The following FAM83H variants were observed in gnomAD, a reference collection of about 807,000 sequenced individuals.
FAM83H encodes protein FAM83H.
FAM83H carries 24 observed loss-of-function variants against 30.2 expected under a neutral mutation model. The observed-to-expected ratio is 0.79, with a 90% CI of 0.57 to 1.12. FAM83H has a LOEUF of 1.12. Among genes scored for constraint, FAM83H ranks in the 50% most tolerant of loss-of-function variants. The pLI, the probability that FAM83H is intolerant of heterozygous loss-of-function variation, is 0.00. For synonymous variants in FAM83H, 1,013 were observed against 821.7 expected, an observed-to-expected ratio of 1.23 and a Z score of -3.98; for missense variants, 2,038 against 1,773.9, an observed-to-expected ratio of 1.15 and a Z score of -2.67.
At position 143,727,395 on chromosome 8, in the gene FAM83H, C is replaced by T; in HGVS notation, c.2066G>A (p.Ser689Asn). 1.5e-5 allele frequency: 24 copies of T among 1,573,942 alleles called. No homozygotes were observed. Among genetic ancestry groups the T allele is most frequent in the Non-Finnish European group, 2.0e-5 (23 of 1,168,200 alleles). ...SSRLRSSLIF[S>N]TSQAEGAAGA... is the part of the protein sequence containing the mutation. ...GGCCGCGCCCTCGGCCTGTGACGTG[C>T]TGAAGATGAGCGAGGAGCGCAGCCT... The change falls in exon 5 of 5, where the codon AGC becomes AAC. Residue 689 changes from serine (S) to asparagine (N), a missense_variant. Coordinates refer to ENST00000388913, the MANE Select transcript of FAM83H (RefSeq NM_198488.5).
rs431825179 is a variant in FAM83H, at chr8:143,727,211, G to A, written c.2250C>T (p.Gly750=). 6.5e-7 allele frequency: 1 copy of A among 1,533,406 alleles called. No homozygotes were observed. The highest frequency in any genetic ancestry group is 8.7e-7 in the Non-Finnish European group (1 of 1,145,420). The allele number at this position is 1,533,406 out of a possible 1,614,324, so 95.0% of individuals were successfully genotyped here. Residue 750 remains glycine, a synonymous_variant, in exon 5 of 5, where the codon GGC becomes GGT. Coordinates refer to ENST00000388913, the MANE Select transcript of FAM83H (RefSeq NM_198488.5). ...KYKGPARDPG[G]GAGAITVASH... ...TGGCAACGGTGATGGCGCCCGCGCC[G>A]CCGCCGGGATCACGGGCTGGGCCCT...
At chr8:143,729,655 T>A (rs1818442134) in intron 2 of FAM83H, among the ~76,000 whole-genome samples, 1 of 152,206 alleles carries the variant, frequency 6.6e-6, no homozygotes, top group African/African-American at 2.4e-5. Context: ...CCAGGGCAGC[T>A]GTCAGGGCCA....
At position 143,730,442 on chromosome 8, in the gene FAM83H, G is replaced by T. The variant is rs201606392; in HGVS notation, c.141C>A (p.Leu47=). 1.2e-6 allele frequency: 2 copies of T among 1,612,200 alleles called. No individual in the cohort carries two copies. Among genetic ancestry groups the T allele is most frequent in the Non-Finnish European group, 1.7e-6 (2 of 1,179,984 alleles). The change falls in exon 2 of 5, where the codon CTC becomes CTA. Residue 47 remains leucine, a synonymous_variant. Coordinates refer to ENST00000388913, the MANE Select transcript of FAM83H (RefSeq NM_198488.5). ...EGGSEAYSRF[L]ATEGAPDFLC... is the part of the protein sequence containing the mutation. ...GGAAGTCTGGTGCCCCCTCGGTAGC[G>T]AGGAAGCGGCTGTAGGCCTCCGAGC...
chr8:143,725,966 G>A lies in FAM83H; in HGVS notation c.3495C>T (p.Gly1165=), dbSNP rs949310232. Residue 1165 remains glycine, a synonymous_variant, in exon 5 of 5, where the codon GGC becomes GGT. Coordinates refer to ENST00000388913, the MANE Select transcript of FAM83H (RefSeq NM_198488.5). The stretch of plus-strand genomic sequence containing the variant: ...TGCCCAGGATCTTGGGCACGAACTT[G>A]CCCACCTTGCTGTCCCTGGTGCCCT... The part of the protein sequence containing the change: ...AEEGTRDSKV[G]KFVPKILGTF... 2 of 1,613,018 alleles carry A rather than the reference G, an allele frequency of 1.2e-6. No homozygotes were observed. The highest frequency in any genetic ancestry group is 1.7e-6 in the Non-Finnish European group (2 of 1,179,934).
rs1224490539 is a variant in FAM83H, at chr8:143,728,415, T to A, written c.1046A>T (p.His349Leu). 1.9e-6 allele frequency: 3 copies of A among 1,547,942 alleles called. No individual in the cohort carries two copies. The highest frequency in any genetic ancestry group is 1.4e-5 in the African/African-American group (1 of 72,972). ...CTCCCGGCGGAAGGCCGACAGGAAG[T>A]GGCGGTCCGGGTCGAGGAAGGAGGG... Reference protein sequence around the residue: ...GFPSFLDPDRHFLSAFRREEP... With the variant: ...GFPSFLDPDRLFLSAFRREEP... The change falls in exon 5 of 5, where the codon CAC (histidine) becomes CTC (leucine). Residue 349 changes from histidine (H) to leucine (L), a missense_variant. Transcript: ENST00000388913.
chr8:143,727,055 G>C lies in FAM83H; in HGVS notation c.2406C>G (p.His802Gln), dbSNP rs1554622275. The C allele has an allele frequency of 6.4e-7, 1 of 1,550,422 alleles. No individual in the cohort carries two copies. Among genetic ancestry groups the C allele is most frequent in the Non-Finnish European group, 8.7e-7 (1 of 1,153,972 alleles). Reference sequence around the variant, plus strand: ...CTCCCGGCTGCCGCTCCGCCTCCTGGTGCAGCTGCTGTGCAAAGGAGTCGC... The same window carrying C: ...CTCCCGGCTGCCGCTCCGCCTCCTGCTGCAGCTGCTGTGCAAAGGAGTCGC... ...DLRDSFAQQL[H>Q]QEAERQPGAA... The change falls in exon 5 of 5, where the codon CAC becomes CAG. Residue 802 changes from histidine (H) to glutamine (Q), a missense_variant. Transcript: ENST00000388913.
chr8:143,725,858 G>A lies in FAM83H; in HGVS notation c.*63C>T, dbSNP rs373210297. The A allele has an allele frequency of 4.5e-5, 72 of 1,589,330 alleles. No homozygotes were observed. In the African/African-American group the frequency reaches 7.1e-4, roughly 16 times the overall value. The stretch of plus-strand genomic sequence containing the variant: ...GATGAGCAGGGCTCTCTGTTCCGCG[G>A]GGCTTCTGGATGACCGGGGCAGCGA... On this transcript the variant is annotated 3_prime_UTR_variant, in exon 5 of 5. Transcript: ENST00000388913.
intron 2 of FAM83H, among the ~76,000 whole-genome samples, chr8:143,729,730 G>A (rs573035800): frequency 1.3e-5 from 2 of 152,374 alleles, no homozygotes; most frequent in African/African-American, 4.8e-5. Flanking sequence ...AAAGTCACAA[G>A]CCTTTAGCGT....
At position 143,728,695 on chromosome 8, in the gene FAM83H, G is replaced by A. The variant is rs1554623559; in HGVS notation, c.766C>T (p.Arg256Cys). Residue 256 changes from arginine (R) to cysteine (C), a missense_variant, in exon 5 of 5, where the codon CGC (arginine) becomes TGC (cysteine). Physicochemically the swap from Arg to Cys is radical, Grantham distance 180 (BLOSUM62 -3). Transcript: ENST00000388913. ...CCTTGGAACACGTGCGCCAGGCTGC[G>A]GTGGATCTTCTCAAAGGACCACATG... ...SFMWSFEKIH[R>C]SLAHVFQGEL... The A allele has an allele frequency of 1.2e-6, 2 of 1,600,688 alleles. No homozygotes were observed. The highest frequency in any genetic ancestry group is 1.6e-4 in the Middle Eastern group (1 of 6,062).
chr8:143,725,329 C>T lies in FAM83H; in HGVS notation c.*592G>A, dbSNP rs1207934632. Reference sequence around the variant, plus strand: ...ATAGGGGACTTAGCGGGGTGCAAGGCTCACGCCTGTAATCCCCCCACTTTG... The same window carrying T: ...ATAGGGGACTTAGCGGGGTGCAAGGTTCACGCCTGTAATCCCCCCACTTTG... On this transcript the variant is annotated 3_prime_UTR_variant, in exon 5 of 5. Coordinates refer to ENST00000388913, the MANE Select transcript of FAM83H (RefSeq NM_198488.5). The T allele has an allele frequency of 6.1e-6, 1 of 162,652 alleles. No individual in the cohort carries two copies. The highest frequency in any genetic ancestry group is 1.3e-5 in the Non-Finnish European group (1 of 74,080). 10.1% of individuals were successfully genotyped at this position (162,652 alleles called of 1,614,324 possible). A position where few individuals can be genotyped will look rare whatever the true frequency, so the allele number is the denominator to read the frequency against.
rs781815407 is a variant in FAM83H, at chr8:143,727,643, C to T, written c.1818G>A (p.Ala606=). 7.0e-6 allele frequency: 11 copies of T among 1,578,224 alleles called. No individual in the cohort carries two copies. Among genetic ancestry groups the T allele is most frequent in the East Asian group, 2.3e-5 (1 of 43,432 alleles). ...GDDGLPAPME[A]EAYEDDVLAP... ...CCAGCACGTCGTCTTCGTAAGCCTC[C>T]GCTTCCATGGGCGCCGGTAGGCCGT... The change falls in exon 5 of 5, where the codon GCG becomes GCA. Residue 606 remains alanine, a synonymous_variant. Transcript: ENST00000388913.
rs1554622207 is a variant in FAM83H, at chr8:143,726,963, G to A, written c.2498C>T (p.Ser833Phe). 29 of 1,607,690 alleles carry A rather than the reference G, an allele frequency of 1.8e-5. No individual in the cohort carries two copies. Among genetic ancestry groups the A allele is most frequent in the African/African-American group, 2.7e-5 (2 of 74,862 alleles). The change falls in exon 5 of 5, where the codon TCC becomes TTC. Residue 833 changes from serine to phenylalanine, a missense_variant. Ser to Phe is a radical substitution (Grantham distance 155, BLOSUM62 -2). Coordinates refer to ENST00000388913, the MANE Select transcript of FAM83H (RefSeq NM_198488.5). ...GTGGCTCTGGGCAGAGAGGAAGCGG[G>A]AAGGCAGGCGGTCGGAGCCGCTCCG... is the stretch of plus-strand genomic sequence containing the variant. ...LGRSGSDRLP[S>F]RFLSAQSHST...
rs782244524 is a variant in FAM83H at position 143,728,600 on chromosome 8, C to T, written c.861G>A (p.Ser287=). 58 of 1,608,768 alleles carry T rather than the reference C, an allele frequency of 3.6e-5. No individual in the cohort carries two copies. The highest frequency in any genetic ancestry group is 4.7e-5 in the Non-Finnish European group (55 of 1,178,756). Residue 287 remains serine, a synonymous_variant, in exon 5 of 5, where the codon TCG becomes TCA. Coordinates refer to ENST00000388913, the MANE Select transcript of FAM83H (RefSeq NM_198488.5). ...CGTCCATGCGGGCCAGGGCCGCGGC[C>T]GAGGGCACAAGCGGCTCGGACTGCG... ...LFAQSEPLVP[S]AAALARMDAY...
At position 143,728,575 on chromosome 8, in the gene FAM83H, C is replaced by T. The variant is rs782754851; in HGVS notation, c.886G>A (p.Ala296Thr). 15 of 1,597,358 alleles carry T rather than the reference C, an allele frequency of 9.4e-6. No homozygotes were observed. In the East Asian group the frequency reaches 2.0e-4, roughly 22 times the overall value. ...CCGGCATACGGAGCCAGGGCATAGGCGTCCATGCGGGCCAGGGCCGCGGCC... is the reference window on the plus strand; with the variant it reads ...CCGGCATACGGAGCCAGGGCATAGGTGTCCATGCGGGCCAGGGCCGCGGCC... ...PSAAALARMD[A>T]YALAPYAGAG... is the part of the protein sequence containing the mutation. The change falls in exon 5 of 5, where the codon GCC becomes ACC. Residue 296 changes from alanine to threonine, a missense_variant. By Grantham distance (58) the Ala-to-Thr change is moderately conservative. Transcript: ENST00000388913.
chr8:143,730,657 G>C, intron 1 of FAM83H, 60 bp from the exon 2 acceptor site: 1 of 1,192,534 alleles, frequency 8.4e-7, no homozygotes, highest in South Asian at 1.6e-5. Context: ...TCCTACCCTC[G>C]AGCATGGACA....
chr8:143,726,452 T>C lies in FAM83H; in HGVS notation c.3009A>G (p.Ser1003=), dbSNP rs782129198. The C allele has an allele frequency of 6.2e-7, 1 of 1,602,844 alleles. No individual in the cohort carries two copies. The highest frequency in any genetic ancestry group is 8.5e-7 in the Non-Finnish European group (1 of 1,177,612). Residue 1003 remains serine (S), a synonymous_variant, in exon 5 of 5, where the codon TCA becomes TCG. Coordinates refer to ENST00000388913, the MANE Select transcript of FAM83H (RefSeq NM_198488.5). ...NGQPESPRRL[S]LGQGDSTEAA... ...CCTCCGTGCTGTCACCCTGGCCCAGTGACAGACGCCGCGGGCTCTCGGGTT... is the reference window on the plus strand; with the variant it reads ...CCTCCGTGCTGTCACCCTGGCCCAGCGACAGACGCCGCGGGCTCTCGGGTT...
In FAM83H at chr8:143,724,272, T is replaced by G. The variant is rs1322245415; in HGVS notation, c.*1649A>C. On this transcript the variant is annotated 3_prime_UTR_variant, in exon 5 of 5. Transcript: ENST00000388913. ...GTGAAAGTGGGGTCACTTTCCTTCC[T>G]TTCCCAGCTGCTGGAGTCGGAACTG... The G allele has an allele frequency of 6.6e-6, 1 of 152,260 alleles. No homozygotes were observed. Among genetic ancestry groups the G allele is most frequent in the Non-Finnish European group, 1.5e-5 (1 of 68,056 alleles). 9.4% of individuals were successfully genotyped at this position (152,260 alleles called of 1,614,324 possible).
In FAM83H at chr8:143,726,397, G is replaced by A. The variant is rs781867409; in HGVS notation, c.3064C>T (p.Arg1022Cys). Residue 1022 changes from arginine to cysteine, a missense_variant, in exon 5 of 5, where the codon CGC becomes TGC. Physicochemically the swap from Arg to Cys is radical, Grantham distance 180. Coordinates refer to ENST00000388913, the MANE Select transcript of FAM83H (RefSeq NM_198488.5). Reference sequence around the variant, plus strand: ...GCGTTGGCCGTGGCTGAGGACAGGCGCGCCCGCGGACCCCGCTCTTCTGTG... The same window carrying A: ...GCGTTGGCCGTGGCTGAGGACAGGCACGCCCGCGGACCCCGCTCTTCTGTG... The part of the protein sequence containing the change: ...AATEERGPRA[R>C]LSSATANALY... The A allele has an allele frequency of 1.4e-5, 23 of 1,607,498 alleles. 1 individual carries two copies. The South Asian group carries it at 1.8e-4, about 12-fold the overall frequency.
Position 143,727,878 on chromosome 8 carries a change from G to A in FAM83H, c.1583C>T (p.Ala528Val), listed in dbSNP as rs782796622. ...GGGCTCCAGGCCGCGGGGTCCGGGC[G>A]CGAAGGCGGGGTCCGAGCCGTGGCG... Reference protein sequence around the residue: ...EVRHGSDPAFAPGPRGLEPSG... With the variant: ...EVRHGSDPAFVPGPRGLEPSG... Residue 528 changes from alanine (A) to valine (V), a missense_variant, in exon 5 of 5, where the codon GCG (alanine) becomes GTG (valine). Physicochemically the swap from Ala to Val is moderately conservative, Grantham distance 64 (BLOSUM62 0). Coordinates refer to ENST00000388913, the MANE Select transcript of FAM83H (RefSeq NM_198488.5). The A allele has an allele frequency of 2.8e-5, 39 of 1,372,412 alleles. No homozygotes were observed. The highest frequency in any genetic ancestry group is 7.7e-5 in the African/African-American group (5 of 64,850). 85.0% of individuals were successfully genotyped at this position (1,372,412 alleles called of 1,614,324 possible).
Sources: allele counts gnomAD v4.1 joint callset (sites outside exome capture counted in the v4.1 genomes callset), GRCh38; gene constraint gnomAD v4.1.1; transcripts MANE v1.5; gene names NCBI Gene and HGNC (gene_info 2026-07-23, HGNC 2026-07-21).